SVIP: variants seen among roughly 807,000 people sequenced by gnomAD.
SVIP encodes the protein small VCP/p97-interacting protein.
Under a neutral mutation model 12.9 loss-of-function variants are expected in SVIP, and 14 were observed. The ratio of observed to expected loss-of-function variants is 1.08; its 90% confidence interval spans 0.72 to 1.70. The LOEUF (loss-of-function observed/expected upper bound fraction) is 1.70, where lower values mean the gene tolerates loss of function less well. Among genes scored for constraint, SVIP ranks in the 40% most tolerant of loss-of-function variants. The probability of loss-of-function intolerance (pLI) is 0.00; values close to 1 mark genes in which losing one functional copy is unlikely to be tolerated. For missense variants in SVIP, 93 were observed against 90.8 expected (o/e 1.02, Z -0.10); for synonymous variants, 35 against 33.3 (o/e 1.05, Z -0.17).
At chr11:22,826,029 T>A (rs1208237035) in intron 3 of SVIP, among the ~76,000 whole-genome samples, 1 of 152,186 alleles carries the variant, frequency 6.6e-6, no homozygotes. Flanking sequence ...CCCAACTGTT[T>A]TACTTTACAC....
rs1339101838 is a variant in SVIP at position 22,827,276 on chromosome 11, C to G, written c.150G>C (p.Lys50Asn). The G allele has an allele frequency of 6.2e-7, 1 of 1,609,740 alleles. No homozygotes were observed. The highest frequency in any genetic ancestry group is 8.5e-7 in the Non-Finnish European group (1 of 1,178,462). ...TTTCTATTTTTTCCTTTTTCTTTCT[C>G]TTTTCTTGCACAGATTGAACATCTA... ...GILDVQSVQE[K>N]RKKKEKIEKQ... Residue 50 changes from lysine to asparagine, a missense_variant, in exon 3 of 4, where the codon AAG becomes AAC. Lys to Asn is a moderately conservative substitution (Grantham distance 94). Transcript: ENST00000354193.
Position 22,823,079 on chromosome 11 carries a change from AAC to A in SVIP, c.*38_*39del, listed in dbSNP as rs749623162. 23 of 1,538,768 alleles carry A rather than the reference AAC, an allele frequency of 1.5e-5. No individual in the cohort carries two copies. The highest frequency in any genetic ancestry group is 6.0e-5 in the Admixed American group (3 of 49,744). The stretch of plus-strand genomic sequence containing the variant: ...GAAGCCCACTTGATTGCAGATAATA[AAC>A]AGTTATTGGCAGTAGATTCTTCTAC... On this transcript the variant is annotated 3_prime_UTR_variant, in exon 4 of 4. Transcript: ENST00000354193.
rs1291749453 is a variant in SVIP at position 22,820,387 on chromosome 11, G to GA, written c.*2731dup. The GA allele has an allele frequency of 6.6e-6, 1 of 151,980 alleles. No homozygotes were observed. The highest frequency in any genetic ancestry group is 1.5e-5 in the Non-Finnish European group (1 of 67,958). 9.4% of individuals were successfully genotyped at this position (151,980 alleles called of 1,614,324 possible). On this transcript the variant is annotated 3_prime_UTR_variant, in exon 4 of 4. Coordinates refer to ENST00000354193, the MANE Select transcript of SVIP (RefSeq NM_148893.3). ...TTTTATGATAGTATTATTTCTTTAG[G>GA]AAAAAACAGGATACTAATTACATCA...
At position 22,822,875 on chromosome 11, in the gene SVIP, G is replaced by GA; in HGVS notation, c.*243dup. On this transcript the variant is annotated 3_prime_UTR_variant, in exon 4 of 4. Coordinates refer to ENST00000354193, the MANE Select transcript of SVIP (RefSeq NM_148893.3). ...TTTAGTTCCATTTTTTAACTACTAA[G>GA]AAAAATAGCAAATCACCCACTAACT... The GA allele has an allele frequency of 2.2e-6, 1 of 447,816 alleles. No homozygotes were observed. Among genetic ancestry groups the GA allele is most frequent in the Non-Finnish European group, 4.0e-6 (1 of 252,084 alleles). The allele number at this position is 447,816 out of a possible 1,614,324, so 27.7% of individuals were successfully genotyped here.
In SVIP at chr11:22,822,979, T is replaced by C; in HGVS notation, c.*140A>G. 1.6e-6 allele frequency: 1 copy of C among 643,578 alleles called. No individual in the cohort carries two copies. Among genetic ancestry groups the C allele is most frequent in the South Asian group, 2.8e-5 (1 of 35,970 alleles). The allele number at this position is 643,578 out of a possible 1,614,324, so 39.9% of individuals were successfully genotyped here. The stretch of plus-strand genomic sequence containing the variant: ...CTAAGCTTGAAAATCAACGTTTTTT[T>C]AGCATTGCACTTAAGGGCAATAATA... On this transcript the variant is annotated 3_prime_UTR_variant, in exon 4 of 4. Transcript: ENST00000354193.
intron 3 of SVIP, among the ~76,000 whole-genome samples, chr11:22,823,876 C>CA (rs1857571795): frequency 6.6e-6 from 1 of 152,076 alleles, no homozygotes; most frequent in Non-Finnish European, 1.5e-5. Context: ...AGGCACATGC[C>CA]ACCACACCTA....
Position 22,828,209 on chromosome 11 carries a change from G to A in SVIP, c.55-335C>T, listed in dbSNP as rs78768035. ...GGAAAATACATGGTTTGTTACTGCC[G>A]GTTAAAATGGAGTCTGAAGTAACCT... is the stretch of plus-strand genomic sequence containing the variant. On this transcript the variant is annotated intron_variant, in intron 1 of 3. Transcript: ENST00000354193. Among the ~76,000 whole-genome samples, 806 of 152,248 alleles carry A rather than the reference G, an allele frequency of 5.3e-3. 13 individuals are homozygous for A. Among genetic ancestry groups the A allele is most frequent in the East Asian group, 0.038 (198 of 5,186 alleles).
At chr11:22,826,356 G>A (rs538154327) in intron 3 of SVIP, among the ~76,000 whole-genome samples, 1 of 139,266 alleles carries the variant, frequency 7.2e-6, no homozygotes, top group Non-Finnish European at 1.6e-5. Context: ...GTATGTGCAT[G>A]TGTGTGTGTG....
At chr11:22,829,604 G>T in intron 1 of SVIP, 91 bp downstream of exon 1, 2 of 1,347,184 alleles carry the variant, frequency 1.5e-6, no homozygotes, top group South Asian at 1.3e-5. Flanking sequence ...CTCGACCTGC[G>T]CCACCAGGTA....
chr11:22,820,996 A>C lies in SVIP; in HGVS notation c.*2123T>G, dbSNP rs534189352. The C allele has an allele frequency of 2.0e-5, 3 of 151,670 alleles. No homozygotes were observed. Among genetic ancestry groups the C allele is most frequent in the Non-Finnish European group, 4.4e-5 (3 of 67,868 alleles). 9.4% of individuals were successfully genotyped at this position (151,670 alleles called of 1,614,324 possible). A position where few individuals can be genotyped will look rare whatever the true frequency, so the allele number is the denominator to read the frequency against. Reference sequence around the variant, plus strand: ...GGCTTCCACTTAAGGTTTTCATAGAAACTGATGGTTATTTTATGAGGGAGA... The same window carrying C: ...GGCTTCCACTTAAGGTTTTCATAGACACTGATGGTTATTTTATGAGGGAGA... On this transcript the variant is annotated 3_prime_UTR_variant, in exon 4 of 4. Coordinates refer to ENST00000354193, the MANE Select transcript of SVIP (RefSeq NM_148893.3).
Position 22,819,779 on chromosome 11 carries a change from C to T in SVIP, c.*3340G>A, listed in dbSNP as rs1429028501. On this transcript the variant is annotated 3_prime_UTR_variant, in exon 4 of 4. Coordinates refer to ENST00000354193, the MANE Select transcript of SVIP (RefSeq NM_148893.3). The stretch of plus-strand genomic sequence containing the variant: ...AAGAGTGAAACTCCATCTCAAAAAA[C>T]AAAACAAAACCAAAAAAAGCCAATG... 1.3e-5 allele frequency: 2 copies of T among 152,396 alleles called. No individual in the cohort carries two copies. Among genetic ancestry groups the T allele is most frequent in the African/African-American group, 4.8e-5 (2 of 41,376 alleles). The allele number at this position is 152,396 out of a possible 1,614,324, so 9.4% of individuals were successfully genotyped here. A position where few individuals can be genotyped will look rare whatever the true frequency, so the allele number is the denominator to read the frequency against.
intron 3 of SVIP, among the ~76,000 whole-genome samples, chr11:22,824,439 C>T (rs1275416979): frequency 3.4e-5 from 4 of 117,462 alleles, no homozygotes; most frequent in East Asian, 2.2e-4. Context: ...TATATATACA[C>T]ACACACATAT....
chr11:22,827,977 G>A (rs968905685), intron 1 of SVIP, 103 bp from the exon 2 acceptor site: 59 of 853,034 alleles, frequency 6.9e-5, no homozygotes, highest in Non-Finnish European at 9.0e-5. Context: ...AAAAATATTC[G>A]GTACTGGCCC....
rs79802095 is a variant in SVIP, at chr11:22,829,371, A to C, written c.54+324T>G. ...GAATTCCATCTACCACATCCCCCGGAATGTCCCACGCGTAACGCCCTCTGC... is the reference window on the plus strand; with the variant it reads ...GAATTCCATCTACCACATCCCCCGGCATGTCCCACGCGTAACGCCCTCTGC... On this transcript the variant is annotated intron_variant, in intron 1 of 3. Transcript: ENST00000354193. 973 of 283,166 alleles carry C rather than the reference A, an allele frequency of 3.4e-3. 25 individuals are homozygous for C. The East Asian group carries it at 0.052, about 15-fold the overall frequency. The allele number at this position is 283,166 out of a possible 1,614,324, so 17.5% of individuals were successfully genotyped here. A position where few individuals can be genotyped will look rare whatever the true frequency, so the allele number is the denominator to read the frequency against.
In SVIP at chr11:22,821,772, A is replaced by G. The variant is rs764284707; in HGVS notation, c.*1347T>C. ...TGTTATGTTTTGCCTAGATATTCAC[A>G]CAATATTTCACACCATAATAGAAAA... On this transcript the variant is annotated 3_prime_UTR_variant, in exon 4 of 4. Transcript: ENST00000354193. 6.6e-6 allele frequency: 1 copy of G among 152,212 alleles called. No individual in the cohort carries two copies. Among genetic ancestry groups the G allele is most frequent in the Non-Finnish European group, 1.5e-5 (1 of 68,016 alleles). The allele number at this position is 152,212 out of a possible 1,614,324, so 9.4% of individuals were successfully genotyped here.
At chr11:22,824,498 G>GTATA (rs34755709) in intron 3 of SVIP, among the ~76,000 whole-genome samples, 17 of 138,738 alleles carry the variant, frequency 1.2e-4, no homozygotes, top group Admixed American at 5.1e-4. Flanking sequence ...ATATATATAC[G>GTATA]TATATATATA....
chr11:22,828,250 G>A (rs1857797025), intron 1 of SVIP, among the ~76,000 whole-genome samples: 1 of 152,174 alleles, frequency 6.6e-6, no homozygotes, highest in Non-Finnish European at 1.5e-5. Context: ...TTTTAGGAAA[G>A]GTTAATAAAT....
chr11:22,823,268 CA>C, intron 3 of SVIP, 135 bp from the exon 4 acceptor site: 1 of 613,356 alleles, frequency 1.6e-6, no homozygotes, highest in Non-Finnish European at 2.7e-6. Flanking sequence ...AGCAGCTATT[CA>C]TAAAATTTTA....
chr11:22,823,922 T>G (rs1356183925), intron 3 of SVIP, among the ~76,000 whole-genome samples: 1 of 152,134 alleles, frequency 6.6e-6, no homozygotes, highest in East Asian at 1.9e-4. Flanking sequence ...AGGGTCTCGC[T>G]ATGTTGCCCA....
Sources: allele counts gnomAD v4.1 joint callset (sites outside exome capture counted in the v4.1 genomes callset), GRCh38; gene constraint gnomAD v4.1.1; transcripts MANE v1.5; gene names NCBI Gene and HGNC (gene_info 2026-07-23, HGNC 2026-07-21).